The following CHURC1 variants were observed in gnomAD, a reference collection of about 807,000 sequenced individuals.
CHURC1 encodes the protein churchill domain containing 1.
Under a neutral mutation model 15.4 loss-of-function variants are expected in CHURC1, and 12 were observed. The ratio of observed to expected loss-of-function variants is 0.78; its 90% CI spans 0.50 to 1.27. The LOEUF is 1.27. CHURC1 is among the 50% of genes most tolerant of loss of function. The pLI is 0.00. For missense variants in CHURC1, 132 were observed against 137.8 expected, an observed-to-expected ratio of 0.96 and a Z score of 0.21; for synonymous variants, 42 against 47.5, an observed-to-expected ratio of 0.88 and a Z score of 0.48.
In CHURC1 at chr14:64,933,770, G is replaced by C. The variant is rs2139925914; in HGVS notation, c.*1540G>C. 2.0e-6 allele frequency: 2 copies of C among 985,364 alleles called. 1 individual carries two copies. Among genetic ancestry groups the C allele is most frequent in the East Asian group, 2.3e-4 (2 of 8,816 alleles). 61.0% of individuals were successfully genotyped at this position (985,364 alleles called of 1,614,324 possible). ...CTGAACTAAGGTCTTATAAGAACAA[G>C]AAATGAGCAAAGTGTTCATTGTAGA... On this transcript the variant is annotated 3_prime_UTR_variant, in exon 4 of 4. Coordinates refer to ENST00000549115, the MANE Select transcript of CHURC1 (RefSeq NM_001386928.1).
Position 64,932,500 on chromosome 14 carries a change from G to GCA in CHURC1, c.*274_*275dup. ...TGGTCAGAAAACAACTAGAATGGGA[G>GCA]CACACCTGGTGCCCAGATTTTGGTT... On this transcript the variant is annotated 3_prime_UTR_variant, in exon 4 of 4. Transcript: ENST00000549115. 1 of 1,128,948 alleles carries GCA rather than the reference G, an allele frequency of 8.9e-7. No individual in the cohort carries two copies. The highest frequency in any genetic ancestry group is 1.1e-6 in the Non-Finnish European group (1 of 919,198). 69.9% of individuals were successfully genotyped at this position (1,128,948 alleles called of 1,614,324 possible).
chr14:64,927,769 T>C (rs1884826076), intron 3 of CHURC1, among the ~76,000 whole-genome samples: 1 of 131,432 alleles, frequency 7.6e-6, no homozygotes. Context: ...ATATTAATTT[T>C]CTTAAAATAA....
Position 64,933,813 on chromosome 14 carries a change from G to T in CHURC1, c.*1583G>T. On this transcript the variant is annotated 3_prime_UTR_variant, in exon 4 of 4. Coordinates refer to ENST00000549115, the MANE Select transcript of CHURC1 (RefSeq NM_001386928.1). ...ATTGTAGATACTAGGGAAAAGCTTT[G>T]TTGAATAACAGTAATGATGATAATA... is the stretch of plus-strand genomic sequence containing the variant. 1 of 985,382 alleles carries T rather than the reference G, an allele frequency of 1.0e-6. No homozygotes were observed. Among genetic ancestry groups the T allele is most frequent in the Non-Finnish European group, 1.2e-6 (1 of 829,916 alleles). The allele number at this position is 985,382 out of a possible 1,614,324, so 61.0% of individuals were successfully genotyped here.
intron 3 of CHURC1, among the ~76,000 whole-genome samples, chr14:64,930,519 G>C (rs556214982): frequency 5.2e-4 from 79 of 152,246 alleles, no homozygotes; most frequent in African/African-American, 1.9e-3. Flanking sequence ...ATGAAATTTG[G>C]GTTCCAGACT....
At chr14:64,914,638 A>T in intron 1 of CHURC1, 104 bp downstream of exon 1, 1 of 1,576,774 alleles carries the variant, frequency 6.3e-7, no homozygotes, top group African/African-American at 1.3e-5. Context: ...ACTCGGCCGC[A>T]CTGCCGGTCC....
intron 1 of CHURC1, among the ~76,000 whole-genome samples, chr14:64,923,520 A>G (rs1431015737): frequency 6.6e-6 from 1 of 152,168 alleles, no homozygotes; most frequent in African/African-American, 2.4e-5. Context: ...ATTATGATCA[A>G]GGATCAAAAC....
At chr14:64,917,316 A>G (rs1003575707) in intron 1 of CHURC1, among the ~76,000 whole-genome samples, 2 of 152,190 alleles carry the variant, frequency 1.3e-5, no homozygotes, top group African/African-American at 4.8e-5. Flanking sequence ...TAATCCCAGC[A>G]CTTTGGGAGG....
At position 64,923,999 on chromosome 14, in the gene CHURC1, C is replaced by T; in HGVS notation, c.48C>T (p.Thr16=). 1.3e-6 allele frequency: 2 copies of T among 1,558,596 alleles called. No individual in the cohort carries two copies. Among genetic ancestry groups the T allele is most frequent in the Non-Finnish European group, 1.7e-6 (2 of 1,149,688 alleles). ...VEKEYPNRGN[T]CLENGSFLLN... is the part of the protein sequence containing the mutation. ...TGTTTCTGATATTTTAGGGTAATAC[C>T]TGCCTGGAGAATGGATCTTTCTTAC... Residue 16 remains threonine, a synonymous_variant, in exon 2 of 4, where the codon ACC becomes ACT. Coordinates refer to ENST00000549115, the MANE Select transcript of CHURC1 (RefSeq NM_001386928.1).
chr14:64,922,599 AAATC>A (rs1884390234), intron 1 of CHURC1, among the ~76,000 whole-genome samples: 2 of 149,754 alleles, frequency 1.3e-5, no homozygotes, highest in Non-Finnish European at 3.0e-5. Context: ...AAAAAAAAAA[AAATC>A]AAAGCAAAGC....
intron 3 of CHURC1, 41 bp downstream of exon 3, chr14:64,926,121 TA>T: frequency 7.1e-7 from 1 of 1,411,420 alleles, no homozygotes; most frequent in African/African-American, 1.4e-5. Flanking sequence ...ATGGGGAGGT[TA>T]GGGGAATAAT....
Position 64,932,369 on chromosome 14 carries a change from A to G in CHURC1, c.*139A>G. ...TTAGACTTACTTATTCTTTGAGGAA[A>G]AAAGGTAATGTAGGAGCTCATTGTT... On this transcript the variant is annotated 3_prime_UTR_variant, in exon 4 of 4. Coordinates refer to ENST00000549115, the MANE Select transcript of CHURC1 (RefSeq NM_001386928.1). The G allele has an allele frequency of 7.0e-7, 1 of 1,435,658 alleles. No individual in the cohort carries two copies. Among genetic ancestry groups the G allele is most frequent in the Non-Finnish European group, 9.2e-7 (1 of 1,092,484 alleles). The allele number at this position is 1,435,658 out of a possible 1,614,324, so 88.9% of individuals were successfully genotyped here.
chr14:64,923,956 G>A, intron 1 of CHURC1, 35 bp from the exon 2 acceptor site: 3 of 1,486,634 alleles, frequency 2.0e-6, no homozygotes, highest in Non-Finnish European at 2.7e-6. Context: ...ATTTTGAAAT[G>A]TAAAGAAATT....
At chr14:64,920,062 T>G in intron 1 of CHURC1, among the ~76,000 whole-genome samples, 1 of 152,094 alleles carries the variant, frequency 6.6e-6, no homozygotes, top group East Asian at 1.9e-4. Context: ...TTTTAAACAT[T>G]CCCTGGCAAA....
chr14:64,925,074 T>C (rs1884582379), intron 2 of CHURC1, among the ~76,000 whole-genome samples: 1 of 152,234 alleles, frequency 6.6e-6, no homozygotes, highest in South Asian at 2.1e-4. Context: ...GCCCTGGAGC[T>C]AGGCTGTTTG....
chr14:64,919,412 G>T (rs1884116670), intron 1 of CHURC1, among the ~76,000 whole-genome samples: 1 of 152,134 alleles, frequency 6.6e-6, no homozygotes, highest in African/African-American at 2.4e-5. Flanking sequence ...TCAAGTTGTT[G>T]CTTAGTAGAT....
intron 3 of CHURC1, among the ~76,000 whole-genome samples, chr14:64,930,225 C>G (rs1465699331): frequency 1.3e-5 from 2 of 151,988 alleles, no homozygotes; most frequent in Non-Finnish European, 2.9e-5. Context: ...TTTGAGAGTC[C>G]CTGTGAATGA....
chr14:64,930,696 A>G, intron 3 of CHURC1: 1 of 380,848 alleles, frequency 2.6e-6, no homozygotes, highest in South Asian at 2.0e-5. Flanking sequence ...CTCAGTATAA[A>G]TTTGTCAATG....
At chr14:64,915,625 T>C (rs1002457603) in intron 1 of CHURC1, among the ~76,000 whole-genome samples, 1 of 152,222 alleles carries the variant, frequency 6.6e-6, no homozygotes, top group Non-Finnish European at 1.5e-5. Context: ...TAGTATCTTA[T>C]GGGTAATACT....
At chr14:64,918,916 C>G (rs992963956) in intron 1 of CHURC1, among the ~76,000 whole-genome samples, 33 of 152,108 alleles carry the variant, frequency 2.2e-4, no homozygotes, top group Admixed American at 1.6e-3. Context: ...TATTTATCTT[C>G]GATTACATAA....
Sources: gnomAD v4.1 joint callset for allele counts (sites outside exome capture counted in the v4.1 genomes callset) on GRCh38, gnomAD v4.1.1 for gene constraint, MANE v1.5 for transcripts, NCBI Gene and HGNC (gene_info 2026-07-23, HGNC 2026-07-21) for gene names.